CNTNAP5: variants seen among roughly 807,000 people sequenced by gnomAD.
CNTNAP5 encodes the protein contactin-associated protein-like 5.
CNTNAP5 carries 72 observed loss-of-function variants against 150.2 expected under a neutral mutation model. That is an observed-to-expected ratio of 0.48 (90% confidence interval 0.40 to 0.58). The LOEUF (loss-of-function observed/expected upper bound fraction) is 0.58. Ranked by LOEUF, CNTNAP5 falls within the 20% of genes least tolerant of loss-of-function variation. CNTNAP5 has a pLI of 0.00. For synonymous variants in CNTNAP5, 672 were observed against 619.8 expected, an observed-to-expected ratio of 1.08 and a Z score of -1.25; for missense variants, 1,636 against 1,626.2, an observed-to-expected ratio of 1.01 and a Z score of -0.10.
Position 124,919,978 on chromosome 2 carries a change from G to A in CNTNAP5, c.*5690G>A, listed in dbSNP as rs1267292487. Among the ~76,000 whole-genome samples the A allele has an allele frequency of 6.6e-6, 1 of 151,940 alleles. No individual in the cohort carries two copies. Among genetic ancestry groups the A allele is most frequent in the Non-Finnish European group, 1.5e-5 (1 of 68,004 alleles). Reference sequence around the variant, plus strand: ...CTTTTCCTTCCATTCATCCTGACATGAATAAGCATAACATAACTGTAAGAA... The same window carrying A: ...CTTTTCCTTCCATTCATCCTGACATAAATAAGCATAACATAACTGTAAGAA... On this transcript the variant is annotated 3_prime_UTR_variant, in exon 24 of 24. Coordinates refer to ENST00000682447, the MANE Select transcript of CNTNAP5 (RefSeq NM_001367498.1).
intron 13 of CNTNAP5, among the ~76,000 whole-genome samples, chr2:124,733,246 G>A (rs1294838629): frequency 1.3e-5 from 2 of 151,988 alleles, no homozygotes; most frequent in Non-Finnish European, 2.9e-5. Context: ...AATTAGTCTT[G>A]ATATTGTATA....
At chr2:124,330,591 G>A (rs544130740) in intron 3 of CNTNAP5, among the ~76,000 whole-genome samples, 1 of 152,218 alleles carries the variant, frequency 6.6e-6, no homozygotes, top group South Asian at 2.1e-4. Flanking sequence ...TGTAAAAAAG[G>A]TGCCTTGCTT....
chr2:124,404,076 G>A (rs938936265), intron 3 of CNTNAP5, among the ~76,000 whole-genome samples: 11 of 152,122 alleles, frequency 7.2e-5, no homozygotes, highest in African/African-American at 2.4e-4. Context: ...CAGCCAAACC[G>A]TATCCGCAGG....
chr2:124,166,048 T>C (rs934240290), intron 1 of CNTNAP5, among the ~76,000 whole-genome samples: 1 of 152,132 alleles, frequency 6.6e-6, no homozygotes, highest in East Asian at 1.9e-4. Context: ...CAGAATATCA[T>C]CTAGACCTGG....
intron 3 of CNTNAP5, among the ~76,000 whole-genome samples, chr2:124,377,121 G>A (rs898888277): frequency 3.9e-5 from 6 of 152,096 alleles, no homozygotes; most frequent in Admixed American, 3.3e-4. Context: ...TTCCTCTCAC[G>A]TAGTTACCAC....
At chr2:124,516,270 A>T (rs535453765) in intron 8 of CNTNAP5, among the ~76,000 whole-genome samples, 1 of 152,256 alleles carries the variant, frequency 6.6e-6, no homozygotes, top group East Asian at 1.9e-4. Context: ...TTATTCAATT[A>T]TTCATATATT....
intron 3 of CNTNAP5, among the ~76,000 whole-genome samples, chr2:124,327,873 T>C (rs1689259790): frequency 6.6e-6 from 1 of 152,192 alleles, no homozygotes; most frequent in Non-Finnish European, 1.5e-5. Context: ...CAGACTGTGT[T>C]AAGGACCTAT....
At chr2:124,494,299 G>T (rs1694100605) in intron 7 of CNTNAP5, among the ~76,000 whole-genome samples, 1 of 151,982 alleles carries the variant, frequency 6.6e-6, no homozygotes, top group South Asian at 2.1e-4. Context: ...AAGGGGGTGG[G>T]GTGCACCAGT....
intron 4 of CNTNAP5, among the ~76,000 whole-genome samples, chr2:124,423,695 C>CG (rs943521451): frequency 1.0e-5 from 1 of 95,824 alleles, no homozygotes; most frequent in Admixed American, 1.6e-4. Flanking sequence ...GACGGAGTCT[C>CG]GCTCTGTCGC....
chr2:124,093,496 T>G (rs1306940523), intron 1 of CNTNAP5, among the ~76,000 whole-genome samples: 1 of 152,222 alleles, frequency 6.6e-6, no homozygotes, highest in Non-Finnish European at 1.5e-5. Context: ...GCTTAATGAT[T>G]CTTGGTAAAT....
rs988704080 is a variant in CNTNAP5 at position 124,580,781 on chromosome 2, GA to G, written c.1756+17459del. ...TCTGTTCGCCTTAACAAGGTGAGAG[GA>G]CAAAACCTATGCATATGGAGTGATT... On this transcript the variant is annotated intron_variant, in intron 11 of 23. Transcript: ENST00000682447. Among the ~76,000 whole-genome samples, 85 of 152,292 alleles carry G rather than the reference GA, an allele frequency of 5.6e-4. 1 individual carries two copies. Among genetic ancestry groups the G allele is most frequent in the African/African-American group, 1.9e-3 (80 of 41,564 alleles).
At chr2:124,477,215 CAA>C (rs1693662207) in intron 7 of CNTNAP5, among the ~76,000 whole-genome samples, 2 of 152,042 alleles carry the variant, frequency 1.3e-5, no homozygotes, top group Non-Finnish European at 2.9e-5. Context: ...TCATTGACAG[CAA>C]AAATATGATT....
At chr2:124,855,761 T>G (rs1558801767) in intron 19 of CNTNAP5, among the ~76,000 whole-genome samples, 1 of 152,160 alleles carries the variant, frequency 6.6e-6, no homozygotes, top group Non-Finnish European at 1.5e-5. Context: ...GGTATTTGGT[T>G]ACATGAATAA....
chr2:124,542,868 G>A (rs1178648347), intron 10 of CNTNAP5, among the ~76,000 whole-genome samples: 1 of 151,288 alleles, frequency 6.6e-6, no homozygotes, highest in Non-Finnish European at 1.5e-5. Flanking sequence ...GTAGCTGGGG[G>A]ATAAACTGCA....
At chr2:124,734,762 C>T (rs988809575) in intron 13 of CNTNAP5, among the ~76,000 whole-genome samples, 4 of 152,184 alleles carry the variant, frequency 2.6e-5, no homozygotes, top group African/African-American at 9.6e-5. Flanking sequence ...TAACCTAACG[C>T]ATGCGATTTG....
chr2:124,749,146 A>T (rs556406422), intron 14 of CNTNAP5, among the ~76,000 whole-genome samples: 3 of 152,282 alleles, frequency 2.0e-5, no homozygotes, highest in African/African-American at 7.2e-5. Flanking sequence ...GAAGTGTTAG[A>T]TGGTTGTGCT....
At chr2:124,849,898 T>C (rs181653664) in intron 19 of CNTNAP5, among the ~76,000 whole-genome samples, 12 of 152,278 alleles carry the variant, frequency 7.9e-5, no homozygotes, top group Admixed American at 7.8e-4. Context: ...TTATTTTCTA[T>C]GATGGGGGCT....
rs1264582097 is a variant in CNTNAP5, at chr2:124,044,151, C to T, written c.82+18419C>T. On this transcript the variant is annotated intron_variant, in intron 1 of 23. Coordinates refer to ENST00000682447, the MANE Select transcript of CNTNAP5 (RefSeq NM_001367498.1). ...AGAAGAATTACATTTAATATAGCCT[C>T]TGTCTATAGCAATAGGAGTACTGCT... 2.0e-5 allele frequency among the ~76,000 whole-genome samples: 3 copies of T among 152,182 alleles called. No individual in the cohort carries two copies. In the East Asian group the frequency reaches 5.8e-4, roughly 29 times the overall value.
chr2:124,139,085 G>A (rs1306682817), intron 1 of CNTNAP5, among the ~76,000 whole-genome samples: 1 of 152,012 alleles, frequency 6.6e-6, no homozygotes, highest in East Asian at 1.9e-4. Context: ...AAATGAACCT[G>A]TGGGAATTAT....
Sources: allele counts gnomAD v4.1 joint callset (sites outside exome capture counted in the v4.1 genomes callset), GRCh38; gene constraint gnomAD v4.1.1; transcripts MANE v1.5; gene names NCBI Gene and HGNC (gene_info 2026-07-23, HGNC 2026-07-21).